TNFRSF1B: variants seen among roughly 807,000 people sequenced by gnomAD.
TNFRSF1B encodes the protein TNF receptor superfamily member 1B.
TNFRSF1B carries 19 observed loss-of-function variants against 44.6 expected under a neutral mutation model. The observed-to-expected ratio is 0.43, with a 90% confidence interval of 0.30 to 0.62. The LOEUF is 0.62. Ranked by LOEUF, TNFRSF1B falls within the 20% of genes least tolerant of loss-of-function variation. TNFRSF1B has a pLI of 0.16. For missense variants in TNFRSF1B, 541 were observed against 619.9 expected, an observed-to-expected ratio of 0.87 and a Z score of 1.35; for synonymous variants, 252 against 261.1, an observed-to-expected ratio of 0.97 and a Z score of 0.34.
chr1:12,188,029 A>AGT (rs1434167161), intron 1 of TNFRSF1B, among the ~76,000 whole-genome samples: 1 of 152,202 alleles, frequency 6.6e-6, no homozygotes. Context: ...CGCTTAGAAC[A>AGT]GTGCCTGGTA....
At position 12,169,970 on chromosome 1, in the gene TNFRSF1B, C is replaced by G. The variant is rs1405332170; in HGVS notation, c.78+2801C>G. The stretch of plus-strand genomic sequence containing the variant: ...GGGTTAGGGGAGAGGTTGGGGGCTC[C>G]CAGGCTGGATGTCAAAGAGGAGTTG... On this transcript the variant is annotated intron_variant, in intron 1 of 9. Transcript: ENST00000376259. The surrounding 1 kb of genome is among the most constrained non-coding windows in gnomAD (Gnocchi z 4.5). 6.6e-6 allele frequency among the ~76,000 whole-genome samples: 1 copy of G among 152,128 alleles called. No individual in the cohort carries two copies. The highest frequency in any genetic ancestry group is 1.5e-5 in the Non-Finnish European group (1 of 68,028).
chr1:12,198,418 T>G (rs1639315775), intron 8 of TNFRSF1B, among the ~76,000 whole-genome samples: 1 of 151,986 alleles, frequency 6.6e-6, no homozygotes, highest in Non-Finnish European at 1.5e-5. Context: ...CCTAGGAGTG[T>G]CTCTCCTCGC....
At chr1:12,185,590 G>T (rs1438687912) in intron 1 of TNFRSF1B, among the ~76,000 whole-genome samples, 2 of 152,180 alleles carry the variant, frequency 1.3e-5, no homozygotes, top group Non-Finnish European at 1.5e-5. Context: ...CCAGACGGGG[G>T]TTACTTCTTC....
rs1202450906 is a variant in TNFRSF1B at position 12,178,150 on chromosome 1, T to C, written c.79-10646T>C. On this transcript the variant is annotated intron_variant, in intron 1 of 9. Coordinates refer to ENST00000376259, the MANE Select transcript of TNFRSF1B (RefSeq NM_001066.3). This position sits in a 1 kb window ranked among gnomAD's most constrained non-coding sequence, Gnocchi z 4.3. ...CTCTGAGGACGCCGCCCCCTCTCTT[T>C]GTAAGTCCATTTCCTGCCCATTTCT... 1.3e-5 allele frequency among the ~76,000 whole-genome samples: 2 copies of C among 152,222 alleles called. No homozygotes were observed. Among genetic ancestry groups the C allele is most frequent in the Admixed American group, 1.3e-4 (2 of 15,288 alleles).
In TNFRSF1B at chr1:12,183,720, C is replaced by CTAT. The variant is rs1638889745; in HGVS notation, c.79-5076_79-5075insTAT. On this transcript the variant is annotated intron_variant, in intron 1 of 9. Coordinates refer to ENST00000376259, the MANE Select transcript of TNFRSF1B (RefSeq NM_001066.3). ...TCTATCTATCTATCTATTCTATCTACCTATCTATCTATCTATCTATCTATC... is the reference window on the plus strand; with the variant it reads ...TCTATCTATCTATCTATTCTATCTACTATCTATCTATCTATCTATCTATCTATC... 2.2e-3 allele frequency among the ~76,000 whole-genome samples: 201 copies of CTAT among 92,196 alleles called. 12 individuals carry two copies. Among genetic ancestry groups the CTAT allele is most frequent in the African/African-American group, 4.9e-3 (143 of 29,218 alleles). The allele number at this position is 92,196 out of a possible 152,430, so 60.5% of individuals were successfully genotyped here. A position where few individuals can be genotyped will look rare whatever the true frequency, so the allele number is the denominator to read the frequency against.
chr1:12,194,659 T>A, intron 8 of TNFRSF1B, 41 bp downstream of exon 8: 1 of 1,612,410 alleles, frequency 6.2e-7, no homozygotes, highest in Non-Finnish European at 8.5e-7. Flanking sequence ...TCCCCTGGTC[T>A]CCTTCCCGGC....
intron 1 of TNFRSF1B, among the ~76,000 whole-genome samples, chr1:12,174,172 C>T (rs61774888): frequency 0.059 from 3,639 of 62,012 alleles, 17 homozygotes; most frequent in South Asian, 0.088. Context: ...TTCTCCTTCT[C>T]CTTCTCCTTC....
chr1:12,183,710 ATTCT>A (rs1219929995), intron 1 of TNFRSF1B, among the ~76,000 whole-genome samples: 1 of 96,324 alleles, frequency 1.0e-5, no homozygotes, highest in African/African-American at 3.5e-5. Flanking sequence ...CTATCTATCT[ATTCT>A]ATCTACCTAT....
chr1:12,183,763 A>AGCTG, intron 1 of TNFRSF1B, among the ~76,000 whole-genome samples: 1 of 110,130 alleles, frequency 9.1e-6, no homozygotes, highest in Non-Finnish European at 2.2e-5. Context: ...CTAGCTAGCT[A>AGCTG]GCTAGCTATC....
intron 1 of TNFRSF1B, among the ~76,000 whole-genome samples, chr1:12,179,935 C>A (rs1461764030): frequency 6.6e-6 from 1 of 152,144 alleles, no homozygotes; most frequent in Non-Finnish European, 1.5e-5. Flanking sequence ...TGGATCTGAA[C>A]AGTCTCTGTT....
chr1:12,191,913 G>A lies in TNFRSF1B; in HGVS notation c.447G>A (p.Val149=). ...GCAAGTGCCGCCCGGGCTTCGGCGT[G>A]GCCAGACCAGGTACGGGGTGGGGCT... ...PLRKCRPGFG[V]ARPGTETSDV... Residue 149 remains valine, a synonymous_variant, in exon 4 of 10, where the codon GTG becomes GTA. Transcript: ENST00000376259. 6.2e-7 allele frequency: 1 copy of A among 1,608,854 alleles called. No individual in the cohort carries two copies. The highest frequency in any genetic ancestry group is 1.1e-5 in the South Asian group (1 of 90,790).
intron 8 of TNFRSF1B, among the ~76,000 whole-genome samples, chr1:12,196,311 A>G (rs184294577): frequency 2.6e-4 from 39 of 152,310 alleles, no homozygotes; most frequent in African/African-American, 9.1e-4. Context: ...AAAAGAAAAA[A>G]TAAAATAAAA....
Position 12,181,554 on chromosome 1 carries a change from G to A in TNFRSF1B, c.79-7242G>A, listed in dbSNP as rs5745988. 1.2e-3 allele frequency among the ~76,000 whole-genome samples: 188 copies of A among 152,120 alleles called. 2 individuals carry two copies. The highest frequency in any genetic ancestry group is 4.5e-3 in the African/African-American group (185 of 41,492). ...GGACCCACTACCCTGACCTCCTGGC[G>A]GTGCACAGAGCATGCCACGCACCTC... On this transcript the variant is annotated intron_variant, in intron 1 of 9. Transcript: ENST00000376259.
Position 12,206,914 on chromosome 1 carries a change from A to G in TNFRSF1B, c.1280A>G (p.Glu427Gly). Residue 427 changes from glutamate to glycine, a missense_variant, in exon 10 of 10, where the codon GAA becomes GGA. Coordinates refer to ENST00000376259, the MANE Select transcript of TNFRSF1B (RefSeq NM_001066.3). ...GAGCAGGTCCCCTTCTCCAAGGAGGAATGTGCCTTTCGGTCACAGCTGGAG... is the reference window on the plus strand; with the variant it reads ...GAGCAGGTCCCCTTCTCCAAGGAGGGATGTGCCTTTCGGTCACAGCTGGAG... The part of the protein sequence containing the change: ...KDEQVPFSKE[E>G]CAFRSQLETP... 2 of 1,614,186 alleles carry G rather than the reference A, an allele frequency of 1.2e-6. No individual in the cohort carries two copies. The highest frequency in any genetic ancestry group is 1.7e-6 in the Non-Finnish European group (2 of 1,180,006).
rs940433217 is a variant in TNFRSF1B at position 12,168,763 on chromosome 1, G to A, written c.78+1594G>A. ...ATCCCTGCTCCCCACGACCCCACCC[G>A]GACTATTGCCGCAGCCTTGTAGCTG... is the stretch of plus-strand genomic sequence containing the variant. On this transcript the variant is annotated intron_variant, in intron 1 of 9. Coordinates refer to ENST00000376259, the MANE Select transcript of TNFRSF1B (RefSeq NM_001066.3). The surrounding 1 kb of genome is among the most constrained non-coding windows in gnomAD (Gnocchi z 4.7). Among the ~76,000 whole-genome samples, 8 of 151,930 alleles carry A rather than the reference G, an allele frequency of 5.3e-5. No individual in the cohort carries two copies. Among genetic ancestry groups the A allele is most frequent in the Admixed American group, 3.3e-4 (5 of 15,260 alleles).
chr1:12,188,950 A>C (rs1433682585), intron 2 of TNFRSF1B, 55 bp downstream of exon 2: 19 of 1,539,778 alleles, frequency 1.2e-5, no homozygotes, highest in Non-Finnish European at 1.7e-5. Flanking sequence ...GCGTGTGTGT[A>C]CAGGGGCTGG....
intron 8 of TNFRSF1B, among the ~76,000 whole-genome samples, chr1:12,201,417 A>T (rs185571285): frequency 7.9e-5 from 12 of 151,942 alleles, no homozygotes; most frequent in Non-Finnish European, 1.8e-4. Flanking sequence ...ATATTCAGCC[A>T]TCTAATCTTC....
At position 12,168,368 on chromosome 1, in the gene TNFRSF1B, G is replaced by A. The variant is rs949201761; in HGVS notation, c.78+1199G>A. 4.6e-5 allele frequency among the ~76,000 whole-genome samples: 7 copies of A among 152,234 alleles called. No homozygotes were observed. The highest frequency in any genetic ancestry group is 1.7e-4 in the African/African-American group (7 of 41,460). ...GTGGAAGATGGGGGCTGTCAGACTAGAATTGACTCACCGACAGTGGGTGTC... is the reference window on the plus strand; with the variant it reads ...GTGGAAGATGGGGGCTGTCAGACTAAAATTGACTCACCGACAGTGGGTGTC... On this transcript the variant is annotated intron_variant, in intron 1 of 9. Transcript: ENST00000376259. This position sits in a 1 kb window ranked among gnomAD's most constrained non-coding sequence, Gnocchi z 4.7.
chr1:12,174,462 G>C (rs958872316), intron 1 of TNFRSF1B, among the ~76,000 whole-genome samples: 1 of 152,158 alleles, frequency 6.6e-6, no homozygotes, highest in Non-Finnish European at 1.5e-5. Flanking sequence ...TGGCCAGGCT[G>C]GTCTCGAACT....
Sources: allele counts gnomAD v4.1 joint callset (sites outside exome capture counted in the v4.1 genomes callset), GRCh38; gene constraint gnomAD v4.1.1; non-coding constraint Gnocchi (gnomAD v3.1); transcripts MANE v1.5; gene names NCBI Gene and HGNC (gene_info 2026-07-23, HGNC 2026-07-21).